EYA1: variants seen among roughly 807,000 people sequenced by gnomAD.
EYA1 encodes the protein EYA transcriptional coactivator and phosphatase 1.
A neutral mutation model predicts 82.0 loss-of-function variants in EYA1; 16 were observed. The ratio of observed to expected loss-of-function variants is 0.20; its 90% CI spans 0.13 to 0.30. The LOEUF (loss-of-function observed/expected upper bound fraction) is 0.30. EYA1 is among the 10% of genes least tolerant of loss of function. The pLI, the probability that EYA1 is intolerant of heterozygous loss-of-function variation, is 1.00. For synonymous variants in EYA1, 261 were observed against 264.4 expected, an observed-to-expected ratio of 0.99 and a Z score of 0.12; for missense variants, 633 against 730.7, an observed-to-expected ratio of 0.87 and a Z score of 1.54.
intron 2 of EYA1, 143 bp from the exon 3 acceptor site, chr8:71,355,052 C>T (rs1045574341): frequency 4.8e-6 from 4 of 828,146 alleles, no homozygotes; most frequent in South Asian, 1.4e-5. Context: ...TAATTCATCT[C>T]ACATTTTGAC....
intron 3 of EYA1, among the ~76,000 whole-genome samples, chr8:71,349,158 G>T (rs1417458294): frequency 6.6e-6 from 1 of 152,156 alleles, no homozygotes; most frequent in Admixed American, 6.5e-5. Flanking sequence ...AATACAATGT[G>T]CACCTGGACC....
In EYA1 at chr8:71,271,691, G is replaced by T. The variant is rs1365862542; in HGVS notation, c.966+67C>A. The stretch of plus-strand genomic sequence containing the variant: ...TTAACCACTGCTGTTTACGTAGCAG[G>T]TATGTAAAACCACCAGTTAGCTATT... On this transcript the variant is annotated intron_variant, in intron 10 of 17. Transcript: ENST00000340726. 38 of 1,570,566 alleles carry T rather than the reference G, an allele frequency of 2.4e-5. 1 individual carries two copies. Among genetic ancestry groups the T allele is most frequent in the Non-Finnish European group, 2.8e-5 (32 of 1,140,302 alleles).
chr8:71,204,621 A>AC (rs1807503886), intron 17 of EYA1, among the ~76,000 whole-genome samples: 1 of 152,216 alleles, frequency 6.6e-6, no homozygotes, highest in Non-Finnish European at 1.5e-5. Flanking sequence ...AGCTTCATGG[A>AC]CTGATATAGA....
At chr8:71,445,780 A>G (rs1421965134) in intron 2 of EYA1, among the ~76,000 whole-genome samples, 15 of 152,130 alleles carry the variant, frequency 9.9e-5, no homozygotes, top group Non-Finnish European at 1.5e-5. Context: ...CTGGGACTAC[A>G]GGCACCCACC....
chr8:71,532,293 C>T (rs1814343715), intron 2 of EYA1, among the ~76,000 whole-genome samples: 1 of 152,154 alleles, frequency 6.6e-6, no homozygotes, highest in African/African-American at 2.4e-5. Context: ...CAGGGAAGCT[C>T]CTCTTAGCCT....
intron 16 of EYA1, among the ~76,000 whole-genome samples, chr8:71,215,013 T>C (rs1216667908): frequency 6.6e-6 from 1 of 152,224 alleles, no homozygotes; most frequent in African/African-American, 2.4e-5. Context: ...AATCTGTTAT[T>C]AGAGTTGTTT....
At chr8:71,373,777 G>A (rs1344303525) in intron 2 of EYA1, among the ~76,000 whole-genome samples, 1 of 152,054 alleles carries the variant, frequency 6.6e-6, no homozygotes, top group African/African-American at 2.4e-5. Context: ...CATGGTACTG[G>A]CCTGAAAACA....
chr8:71,513,673 T>C (rs1481315985), intron 2 of EYA1, among the ~76,000 whole-genome samples: 1 of 152,098 alleles, frequency 6.6e-6, no homozygotes, highest in African/African-American at 2.4e-5. Flanking sequence ...AGTCACCCTG[T>C]TGTGCTATCA....
intron 1 of EYA1, among the ~76,000 whole-genome samples, chr8:71,546,184 G>A (rs139781633): frequency 1.2e-4 from 19 of 152,152 alleles, no homozygotes; most frequent in African/African-American, 2.4e-4. Context: ...AAGCCACTCC[G>A]CCAGGAAGCC....
intron 7 of EYA1, among the ~76,000 whole-genome samples, chr8:71,313,324 T>C (rs900770385): frequency 6.6e-6 from 1 of 152,146 alleles, no homozygotes; most frequent in Non-Finnish European, 1.5e-5. Flanking sequence ...TTCTTAAAGT[T>C]CTCTTTCATG....
intron 16 of EYA1, among the ~76,000 whole-genome samples, chr8:71,213,938 T>C (rs72654122): frequency 0.16 from 25,002 of 152,200 alleles, 2,188 homozygotes; most frequent in Middle Eastern, 0.19. Flanking sequence ...GCTACTATGA[T>C]GAGCAAGAGA....
At chr8:71,421,246 A>G (rs2129149445) in intron 2 of EYA1, among the ~76,000 whole-genome samples, 1 of 152,278 alleles carries the variant, frequency 6.6e-6, no homozygotes, top group South Asian at 2.1e-4. Context: ...GTGCTGTTGC[A>G]AGGAATCCCC....
At chr8:71,284,188 G>T (rs111978923) in intron 9 of EYA1, among the ~76,000 whole-genome samples, 1,598 of 152,280 alleles carry the variant, frequency 0.01, 24 homozygotes, top group African/African-American at 0.037. Flanking sequence ...TGGAGGTTTG[G>T]GCCTAAAGGA....
At chr8:71,473,369 C>A (rs1268991963) in intron 2 of EYA1, among the ~76,000 whole-genome samples, 55 of 143,606 alleles carry the variant, frequency 3.8e-4, no homozygotes, top group South Asian at 2.0e-3. Flanking sequence ...AAAAAAAAAA[C>A]CCATCAAAAA....
At chr8:71,320,913 C>G (rs1239499605) in intron 6 of EYA1, among the ~76,000 whole-genome samples, 3 of 152,062 alleles carry the variant, frequency 2.0e-5, no homozygotes, top group Non-Finnish European at 4.4e-5. Flanking sequence ...CAATCCTTTC[C>G]TCCAAGTGTC....
chr8:71,322,785 A>C (rs1822728669), intron 4 of EYA1, among the ~76,000 whole-genome samples: 1 of 152,176 alleles, frequency 6.6e-6, no homozygotes, highest in African/African-American at 2.4e-5. Context: ...GCCTGCATTG[A>C]TTTAGCAATG....
chr8:71,371,018 C>A (rs993966889), intron 2 of EYA1, among the ~76,000 whole-genome samples: 2 of 152,110 alleles, frequency 1.3e-5, no homozygotes, highest in African/African-American at 4.8e-5. Flanking sequence ...CCTAAGTTGG[C>A]AGTAAGGAAA....
chr8:71,249,141 G>T (rs908667594), intron 11 of EYA1, among the ~76,000 whole-genome samples: 12 of 152,054 alleles, frequency 7.9e-5, no homozygotes, highest in African/African-American at 2.7e-4. Context: ...TCAAAACGTG[G>T]CCTTTCTGTG....
chr8:71,541,003 G>T (rs1815094660), intron 1 of EYA1, among the ~76,000 whole-genome samples: 1 of 152,120 alleles, frequency 6.6e-6, no homozygotes, highest in African/African-American at 2.4e-5. Flanking sequence ...TTGGATAAAT[G>T]ACCTCCAGAG....
Sources: allele counts gnomAD v4.1 joint callset (sites outside exome capture counted in the v4.1 genomes callset), GRCh38; gene constraint gnomAD v4.1.1; transcripts MANE v1.5; gene names NCBI Gene and HGNC (gene_info 2026-07-23, HGNC 2026-07-21).